Variants in NME7 observed in about 807,000 individuals in gnomAD.
The protein encoded by NME7 is nucleoside diphosphate kinase 7.
Under a neutral mutation model 49.1 loss-of-function variants are expected in NME7, and 41 were observed. That is an observed-to-expected ratio of 0.83 (90% CI 0.65 to 1.08). NME7 has a LOEUF of 1.08. Among genes scored for constraint, NME7 ranks in the 50% least tolerant of loss-of-function variants. The pLI is 0.00. For synonymous variants in NME7, 139 were observed against 150.6 expected, an observed-to-expected ratio of 0.92 and a Z score of 0.56; for missense variants, 423 against 463.4, an observed-to-expected ratio of 0.91 and a Z score of 0.80.
intron 10 of NME7, among the ~76,000 whole-genome samples, chr1:169,177,273 G>C (rs544522224): frequency 6.6e-6 from 1 of 152,134 alleles, no homozygotes; most frequent in South Asian, 2.1e-4. Context: ...TATATACCCT[G>C]TATCAGTCGG....
intron 3 of NME7, among the ~76,000 whole-genome samples, chr1:169,315,203 A>C (rs1162062900): frequency 1.3e-5 from 2 of 152,088 alleles, no homozygotes; most frequent in Admixed American, 6.6e-5. Flanking sequence ...TAATGAATAA[A>C]TATATAAAAC....
At chr1:169,185,571 GA>G (rs1276285992) in intron 10 of NME7, among the ~76,000 whole-genome samples, 1 of 152,086 alleles carries the variant, frequency 6.6e-6, no homozygotes, top group Non-Finnish European at 1.5e-5. Flanking sequence ...TCTGGTCAAT[GA>G]AACTCTAAGA....
intron 11 of NME7, among the ~76,000 whole-genome samples, chr1:169,167,010 T>G (rs1274562058): frequency 6.6e-6 from 1 of 152,168 alleles, no homozygotes; most frequent in East Asian, 1.9e-4. Flanking sequence ...GAATACATTT[T>G]AGGGACTAAC....
At chr1:169,355,157 T>C (rs1268799608) in intron 1 of NME7, among the ~76,000 whole-genome samples, 1 of 43,084 alleles carries the variant, frequency 2.3e-5, no homozygotes, top group Non-Finnish European at 4.1e-5. Flanking sequence ...ATACTATATA[T>C]TATAGATATA....
chr1:169,363,120 T>C (rs545404590), intron 1 of NME7, among the ~76,000 whole-genome samples: 4 of 151,892 alleles, frequency 2.6e-5, no homozygotes, highest in African/African-American at 9.7e-5. Context: ...ACACCTATTA[T>C]CCTAGCTGCT....
intron 1 of NME7, among the ~76,000 whole-genome samples, chr1:169,360,048 C>T (rs189850853): frequency 3.9e-5 from 6 of 152,138 alleles, no homozygotes; most frequent in Non-Finnish European, 7.4e-5. Context: ...GCTGGAGATA[C>T]TTCTGGAAAG....
In NME7 at chr1:169,277,113, T is replaced by C. The variant is rs528269453; in HGVS notation, c.754+10190A>G. On this transcript the variant is annotated intron_variant, in intron 7 of 11. Transcript: ENST00000367811. ...GAGGAGAGCTTTACTTCCAACTATGTGGTCAATTTTGGAATAGGTGTGGGG... is the reference window on the plus strand; with the variant it reads ...GAGGAGAGCTTTACTTCCAACTATGCGGTCAATTTTGGAATAGGTGTGGGG... 1.4e-3 allele frequency among the ~76,000 whole-genome samples: 212 copies of C among 150,698 alleles called. 4 individuals are homozygous for C. Among genetic ancestry groups the C allele is most frequent in the African/African-American group, 4.6e-3 (191 of 41,196 alleles).
At chr1:169,330,888 A>G (rs1652228379) in intron 1 of NME7, among the ~76,000 whole-genome samples, 1 of 152,140 alleles carries the variant, frequency 6.6e-6, no homozygotes, top group African/African-American at 2.4e-5. Context: ...CAAAGCCATA[A>G]TAAAGACTCC....
chr1:169,206,642 T>A (rs2101786649), intron 10 of NME7, among the ~76,000 whole-genome samples: 1 of 152,266 alleles, frequency 6.6e-6, no homozygotes, highest in East Asian at 1.9e-4. Flanking sequence ...TTTAAATGCA[T>A]AAAATACATA....
chr1:169,247,097 T>G, intron 7 of NME7: 1 of 456,136 alleles, frequency 2.2e-6, no homozygotes, highest in Non-Finnish European at 4.4e-6. Context: ...CAAAGGAAGC[T>G]AAGAACAGCT....
At chr1:169,191,134 A>G (rs946075401) in intron 10 of NME7, among the ~76,000 whole-genome samples, 15 of 152,250 alleles carry the variant, frequency 9.9e-5, no homozygotes, top group African/African-American at 3.4e-4. Flanking sequence ...TTTCTAAGAA[A>G]ACAACCAGAA....
intron 10 of NME7, among the ~76,000 whole-genome samples, chr1:169,182,421 T>G (rs1659955485): frequency 6.6e-6 from 1 of 152,152 alleles, no homozygotes. Flanking sequence ...GCACCACTCT[T>G]ACACCAAGTT....
At chr1:169,278,973 T>C (rs1248110709) in intron 7 of NME7, among the ~76,000 whole-genome samples, 1 of 152,220 alleles carries the variant, frequency 6.6e-6, no homozygotes, top group Admixed American at 6.5e-5. Context: ...TGCCTGGGTA[T>C]CAGCAGCGGT....
chr1:169,142,005 A>G (rs941087681), intron 11 of NME7, among the ~76,000 whole-genome samples: 4 of 152,194 alleles, frequency 2.6e-5, no homozygotes, highest in Non-Finnish European at 5.9e-5. Flanking sequence ...AAGTAGATAA[A>G]ATGAGTCTGA....
At position 169,258,401 on chromosome 1, in the gene NME7, T is replaced by C. The variant is rs2901032; in HGVS notation, c.755-20714A>G. On this transcript the variant is annotated intron_variant, in intron 7 of 11. Transcript: ENST00000367811. ...ATATATATATATATATATATATATA[T>C]ATATACACACACACACACACACATA... is the stretch of plus-strand genomic sequence containing the variant. Among the ~76,000 whole-genome samples, 633 of 68,478 alleles carry C rather than the reference T, an allele frequency of 9.2e-3. 26 individuals carry two copies. The highest frequency in any genetic ancestry group is 0.033 in the African/African-American group (590 of 18,072). 44.9% of individuals were successfully genotyped at this position (68,478 alleles called of 152,430 possible).
At chr1:169,232,654 A>G (rs1033651099) in intron 9 of NME7, among the ~76,000 whole-genome samples, 3 of 151,964 alleles carry the variant, frequency 2.0e-5, no homozygotes, top group African/African-American at 7.2e-5. Flanking sequence ...TTCTATACCC[A>G]GGTGGGAAAA....
intron 3 of NME7, among the ~76,000 whole-genome samples, chr1:169,316,274 AAG>A (rs1651623016): frequency 6.6e-6 from 1 of 152,196 alleles, no homozygotes; most frequent in South Asian, 2.1e-4. Flanking sequence ...TGTAAGATTT[AAG>A]AGAGAAGATT....
chr1:169,243,196 T>C (rs1445697911), intron 7 of NME7, among the ~76,000 whole-genome samples: 1 of 152,094 alleles, frequency 6.6e-6, no homozygotes, highest in Non-Finnish European at 1.5e-5. Context: ...GTGATAGAGA[T>C]CAATGGAACA....
chr1:169,137,523 G>A (rs1267414631), intron 11 of NME7, among the ~76,000 whole-genome samples: 1 of 152,166 alleles, frequency 6.6e-6, no homozygotes, highest in Non-Finnish European at 1.5e-5. Context: ...GACTCAGCGG[G>A]CATGGAACAG....
Sources: gnomAD v4.1 joint callset for allele counts (sites outside exome capture counted in the v4.1 genomes callset) on GRCh38, gnomAD v4.1.1 for gene constraint, MANE v1.5 for transcripts, NCBI Gene and HGNC (gene_info 2026-07-23, HGNC 2026-07-21) for gene names.